The following LRP1B variants were observed in gnomAD, a reference collection of about 807,000 sequenced individuals.
LRP1B encodes the protein low-density lipoprotein receptor-related protein 1B.
A neutral mutation model predicts 556.6 loss-of-function variants in LRP1B; 217 were observed. That is an observed-to-expected ratio of 0.39 (90% CI 0.35 to 0.44). LRP1B has a LOEUF of 0.44. LRP1B is among the 20% of genes least tolerant of loss of function. LRP1B has a pLI of 1.00. For missense variants in LRP1B, 5,053 were observed against 5,620.8 expected (o/e 0.90, Z 3.23); for synonymous variants, 2,047 against 1,865.8 (o/e 1.10, Z -2.50).
At chr2:140,554,239 A>G (rs2105058957) in intron 43 of LRP1B, among the ~76,000 whole-genome samples, 1 of 152,264 alleles carries the variant, frequency 6.6e-6, no homozygotes, top group African/African-American at 2.4e-5. Flanking sequence ...ACTCATGAGA[A>G]TAAATATAAA....
intron 1 of LRP1B, among the ~76,000 whole-genome samples, chr2:141,911,824 C>G (rs1699913894): frequency 7.0e-6 from 1 of 143,502 alleles, no homozygotes; most frequent in Non-Finnish European, 1.5e-5. Context: ...CTGTGAGGGA[C>G]TGGTCTCAAT....
chr2:141,695,011 A>G lies in LRP1B; in HGVS notation c.205+115268T>C, dbSNP rs565649800. On this transcript the variant is annotated intron_variant, in intron 2 of 90. Transcript: ENST00000389484. ...TCCTCTAAGTTCTCCATTCAATAAT[A>G]CTTTAAAAATGATGCTGGATTATTT... Among the ~76,000 whole-genome samples the G allele has an allele frequency of 2.0e-5, 3 of 152,152 alleles. No homozygotes were observed. The South Asian group carries it at 6.2e-4, about 32-fold the overall frequency.
At chr2:140,346,804 G>A (rs1681709687) in intron 77 of LRP1B, among the ~76,000 whole-genome samples, 1 of 151,852 alleles carries the variant, frequency 6.6e-6, no homozygotes, top group Non-Finnish European at 1.5e-5. Flanking sequence ...GACCTATTAA[G>A]AGTAACTTAA....
At chr2:141,602,729 G>C (rs922119546) in intron 2 of LRP1B, among the ~76,000 whole-genome samples, 1 of 152,058 alleles carries the variant, frequency 6.6e-6, no homozygotes, top group Admixed American at 6.6e-5. Context: ...AGGAATAATG[G>C]GCAGGGCCTA....
At chr2:141,300,802 A>G (rs557212603) in intron 3 of LRP1B, among the ~76,000 whole-genome samples, 1 of 152,274 alleles carries the variant, frequency 6.6e-6, no homozygotes, top group South Asian at 2.1e-4. Context: ...CAGCCTGCAG[A>G]ATCGTGAGCC....
chr2:140,385,869 CATT>C lies in LRP1B; in HGVS notation c.10531+21_10531+23del, dbSNP rs762913896. 5 of 1,509,824 alleles carry C rather than the reference CATT, an allele frequency of 3.3e-6. No homozygotes were observed. In the Admixed American group the frequency reaches 8.4e-5, roughly 25 times the overall value. 93.5% of individuals were successfully genotyped at this position (1,509,824 alleles called of 1,614,324 possible). A position where few individuals can be genotyped will look rare whatever the true frequency, so the allele number is the denominator to read the frequency against. On this transcript the variant is annotated intron_variant, in intron 67 of 90. Transcript: ENST00000389484. ...ATTGAATGGGCTGTCAAGCTCAAAACATTATTAGGCAAGAGTTACTTACTACAG... is the reference window on the plus strand; with the variant it reads ...ATTGAATGGGCTGTCAAGCTCAAAACATTAGGCAAGAGTTACTTACTACAG...
chr2:141,397,048 G>T (rs1162228313), intron 3 of LRP1B, among the ~76,000 whole-genome samples: 8 of 133,624 alleles, frequency 6.0e-5, no homozygotes, highest in Non-Finnish European at 7.7e-5. Context: ...GGGGGACAAA[G>T]GTTGTGGTGA....
At chr2:141,641,117 C>A (rs1393580211) in intron 2 of LRP1B, among the ~76,000 whole-genome samples, 1 of 152,082 alleles carries the variant, frequency 6.6e-6, no homozygotes, top group Non-Finnish European at 1.5e-5. Context: ...TTATCTTTCC[C>A]CCTCTGTACT....
chr2:140,430,135 C>T (rs1573929538), intron 66 of LRP1B, among the ~76,000 whole-genome samples: 1 of 152,132 alleles, frequency 6.6e-6, no homozygotes, highest in East Asian at 1.9e-4. Context: ...GGCAGTTCCA[C>T]CAGGCCTAAT....
intron 3 of LRP1B, among the ~76,000 whole-genome samples, chr2:141,460,184 T>A (rs1398746594): frequency 1.3e-5 from 2 of 152,148 alleles, no homozygotes; most frequent in Non-Finnish European, 2.9e-5. Context: ...CCTTAAAAAA[T>A]TTACCAATTT....
intron 59 of LRP1B, among the ~76,000 whole-genome samples, chr2:140,479,798 T>C (rs1688155172): frequency 1.3e-5 from 2 of 152,240 alleles, no homozygotes; most frequent in South Asian, 4.1e-4. Context: ...CTTATGTGAA[T>C]ATATAGTTTA....
chr2:140,676,893 T>C (rs190434086), intron 41 of LRP1B, among the ~76,000 whole-genome samples: 1 of 152,332 alleles, frequency 6.6e-6, no homozygotes, highest in Non-Finnish European at 1.5e-5. Flanking sequence ...TCATAAACAA[T>C]AGAGATACAG....
intron 3 of LRP1B, among the ~76,000 whole-genome samples, chr2:141,418,930 G>C (rs1680036774): frequency 6.6e-6 from 1 of 151,840 alleles, no homozygotes; most frequent in African/African-American, 2.4e-5. Flanking sequence ...TTGCCTCATT[G>C]ATTAAGTTTA....
At chr2:141,603,664 C>T (rs948614591) in intron 2 of LRP1B, among the ~76,000 whole-genome samples, 4 of 152,154 alleles carry the variant, frequency 2.6e-5, no homozygotes, top group African/African-American at 9.6e-5. Context: ...ATATTTGAGG[C>T]TTTTAAGTAA....
intron 7 of LRP1B, among the ~76,000 whole-genome samples, chr2:141,155,398 A>G (rs537692167): frequency 1.5e-4 from 23 of 151,900 alleles, no homozygotes; most frequent in Non-Finnish European, 3.1e-4. Flanking sequence ...TGGTAAGTAC[A>G]TGAAATATAC....
Position 140,701,784 on chromosome 2 carries a change from T to C in LRP1B, c.6364A>G (p.Met2122Val). ...AGGTTGACTCCAAGGCCGGTTCTCA[T>C]GGTTATCGTTTCTGTGGCATCATTC... ...HKNDATETIT[M>V]RTGLGVNLKE... The change falls in exon 40 of 91, where the codon ATG becomes GTG. Residue 2122 changes from methionine (M) to valine (V), a missense_variant. Around this residue, in one of 5 missense-constraint regions of LRP1B, gnomAD observed 3,619 missense variants for 3,931.9 expected, o/e 0.92. Transcript: ENST00000389484. The C allele has an allele frequency of 6.2e-7, 1 of 1,613,272 alleles. No homozygotes were observed. Among genetic ancestry groups the C allele is most frequent in the Non-Finnish European group, 8.5e-7 (1 of 1,179,446 alleles).
At chr2:141,418,434 T>TTA (rs1680001706) in intron 3 of LRP1B, among the ~76,000 whole-genome samples, 1 of 146,666 alleles carries the variant, frequency 6.8e-6, no homozygotes, top group African/African-American at 2.5e-5. Context: ...AGCACAATAT[T>TTA]TTTTTTTTTT....
chr2:141,772,125 A>T (rs568005606), intron 2 of LRP1B, among the ~76,000 whole-genome samples: 42 of 152,068 alleles, frequency 2.8e-4, no homozygotes, highest in Non-Finnish European at 4.7e-4. Context: ...TCTTTCTACC[A>T]TGTGAGGATA....
At chr2:141,654,940 T>C (rs564220461) in intron 2 of LRP1B, among the ~76,000 whole-genome samples, 4 of 152,150 alleles carry the variant, frequency 2.6e-5, no homozygotes, top group African/African-American at 7.2e-5. Flanking sequence ...GTTAGGGAGG[T>C]GTACAATGCT....
Sources: allele counts gnomAD v4.1 joint callset (sites outside exome capture counted in the v4.1 genomes callset), GRCh38; gene constraint gnomAD v4.1.1; regional missense constraint gnomAD v4.1.1; transcripts MANE v1.5; gene names NCBI Gene and HGNC (gene_info 2026-07-23, HGNC 2026-07-21).